BANK1: variants seen among roughly 807,000 people sequenced by gnomAD.
The protein encoded by BANK1 is B cell scaffold protein with ankyrin repeats 1, also known as B-cell scaffold protein with ankyrin repeats.
A neutral mutation model predicts 94.5 loss-of-function variants in BANK1; 95 were observed. That is an observed-to-expected ratio of 1.00 (90% CI 0.85 to 1.19). The LOEUF (loss-of-function observed/expected upper bound fraction) is 1.19, where lower values mean the gene tolerates loss of function less well. BANK1 is among the 50% of genes most tolerant of loss of function. The pLI, the probability that BANK1 is intolerant of heterozygous loss-of-function variation, is 0.00. For missense variants in BANK1, 987 were observed against 932.2 expected (o/e 1.06, Z -0.77); for synonymous variants, 334 against 308.4 (o/e 1.08, Z -0.87).
chr4:101,952,052 G>C (rs1328149906), intron 7 of BANK1, among the ~76,000 whole-genome samples: 1 of 151,888 alleles, frequency 6.6e-6, no homozygotes, highest in Non-Finnish European at 1.5e-5. Context: ...TGTACTCATG[G>C]CTTTTACCTA....
At chr4:102,065,507 T>C (rs1452081576) in intron 13 of BANK1, among the ~76,000 whole-genome samples, 4 of 152,088 alleles carry the variant, frequency 2.6e-5, no homozygotes, top group African/African-American at 9.7e-5. Flanking sequence ...ACATTATCTA[T>C]AATGTCCAGT....
intron 5 of BANK1, among the ~76,000 whole-genome samples, chr4:101,882,122 C>A (rs979399664): frequency 6.6e-6 from 1 of 151,956 alleles, no homozygotes; most frequent in Non-Finnish European, 1.5e-5. Flanking sequence ...GGGATGGATA[C>A]CCCATTTTAC....
At chr4:101,860,316 A>G (rs966673535) in intron 3 of BANK1, among the ~76,000 whole-genome samples, 1 of 152,164 alleles carries the variant, frequency 6.6e-6, no homozygotes, top group Admixed American at 6.5e-5. Flanking sequence ...GAAGCTGGCC[A>G]TGGGTACAAA....
chr4:102,005,030 G>C (rs527422472), intron 7 of BANK1, among the ~76,000 whole-genome samples: 1 of 152,016 alleles, frequency 6.6e-6, no homozygotes, highest in East Asian at 1.9e-4. Flanking sequence ...AAAAAAATTA[G>C]AAAAGTCATG....
At chr4:101,947,806 TATCA>T (rs1324779527) in intron 7 of BANK1, among the ~76,000 whole-genome samples, 1 of 152,032 alleles carries the variant, frequency 6.6e-6, no homozygotes. Flanking sequence ...CATGTTCACT[TATCA>T]TTCTCCTTCA....
intron 7 of BANK1, among the ~76,000 whole-genome samples, chr4:101,976,233 A>G (rs900613531): frequency 1.3e-5 from 2 of 152,134 alleles, no homozygotes; most frequent in Non-Finnish European, 2.9e-5. Context: ...CTGGATCTAT[A>G]CTTCAATGCC....
intron 7 of BANK1, among the ~76,000 whole-genome samples, chr4:101,998,610 C>A (rs569533426): frequency 6.6e-6 from 1 of 152,246 alleles, no homozygotes; most frequent in East Asian, 1.9e-4. Flanking sequence ...GTAGTGGGTG[C>A]ATGTATATTT....
At chr4:101,868,513 C>T (rs936808389) in intron 4 of BANK1, among the ~76,000 whole-genome samples, 3 of 151,942 alleles carry the variant, frequency 2.0e-5, no homozygotes, top group Non-Finnish European at 4.4e-5. Context: ...GACAAGTCCA[C>T]TATTGTATAA....
At chr4:101,855,284 G>T in intron 3 of BANK1, 95 bp downstream of exon 3, 10 of 1,268,282 alleles carry the variant, frequency 7.9e-6, no homozygotes, top group Non-Finnish European at 1.1e-5. Flanking sequence ...TCATTAGGTT[G>T]CCCAGGCTGG....
chr4:101,801,070 A>G (rs1725342651), intron 1 of BANK1, among the ~76,000 whole-genome samples: 1 of 152,112 alleles, frequency 6.6e-6, no homozygotes, highest in Non-Finnish European at 1.5e-5. Flanking sequence ...CATGTTTTCT[A>G]TATTCTGATG....
intron 2 of BANK1, among the ~76,000 whole-genome samples, chr4:101,852,128 C>T (rs1727496844): frequency 6.6e-6 from 1 of 151,918 alleles, no homozygotes; most frequent in South Asian, 2.1e-4. Context: ...AGAAACTCCT[C>T]AAAATTTGTT....
rs567620123 is a variant in BANK1, at chr4:101,875,490, A to G, written c.903+4846A>G. 3.2e-4 allele frequency among the ~76,000 whole-genome samples: 49 copies of G among 152,292 alleles called. No individual in the cohort carries two copies. The South Asian group carries it at 7.7e-3, about 24-fold the overall frequency. ...AGCAAGGTACATTTTACATGTTGGC[A>G]GGAGGTGGTTGGGGGGACTGCCACA... On this transcript the variant is annotated intron_variant, in intron 5 of 16. Transcript: ENST00000322953.
chr4:101,828,816 A>AT (rs1726480224), intron 1 of BANK1, among the ~76,000 whole-genome samples: 1 of 152,024 alleles, frequency 6.6e-6, no homozygotes, highest in Non-Finnish European at 1.5e-5. Flanking sequence ...ATGTGAAGAA[A>AT]TTTTATAATT....
intron 7 of BANK1, among the ~76,000 whole-genome samples, chr4:101,929,041 C>A (rs892136058): frequency 5.9e-5 from 9 of 151,808 alleles, no homozygotes; most frequent in Admixed American, 5.9e-4. Context: ...ACTTTATGGT[C>A]TCACTTCTTG....
chr4:101,822,213 A>G (rs1208015898), intron 1 of BANK1, among the ~76,000 whole-genome samples: 1 of 151,948 alleles, frequency 6.6e-6, no homozygotes, highest in African/African-American at 2.4e-5. Context: ...TACAAAAAAT[A>G]CAAAAAATTA....
chr4:102,067,436 T>C (rs1053634835), intron 13 of BANK1, among the ~76,000 whole-genome samples: 1 of 151,898 alleles, frequency 6.6e-6, no homozygotes, highest in African/African-American at 2.4e-5. Context: ...AAAACACAGA[T>C]AGATAGTTTG....
chr4:101,811,650 G>A (rs575648783), intron 1 of BANK1, among the ~76,000 whole-genome samples: 109 of 152,060 alleles, frequency 7.2e-4, no homozygotes, highest in African/African-American at 2.4e-3. Flanking sequence ...ATGCCAAACC[G>A]TGAAAAATCA....
In BANK1 at chr4:102,025,343, C is replaced by A; in HGVS notation, c.1428C>A (p.Gly476=). 1 of 1,614,060 alleles carries A rather than the reference C, an allele frequency of 6.2e-7. No individual in the cohort carries two copies. The highest frequency in any genetic ancestry group is 8.5e-7 in the Non-Finnish European group (1 of 1,179,998). ...CCAAACACAGCCCACTAGAGGTTGG[C>A]AGTGAGAGTTCTGAAGACCAGTATG... ...METKHSPLEV[G]SESSEDQYDD... is the part of the protein sequence containing the mutation. The change falls in exon 9 of 17, where the codon GGC becomes GGA. Residue 476 remains glycine (G), a synonymous_variant. Transcript: ENST00000322953.
At chr4:101,819,975 A>T (rs1046544909) in intron 1 of BANK1, among the ~76,000 whole-genome samples, 7 of 151,310 alleles carry the variant, frequency 4.6e-5, no homozygotes, top group African/African-American at 1.5e-4. Flanking sequence ...CAAGAGTGCC[A>T]CAAAGCCTAA....
Sources: gnomAD v4.1 joint callset for allele counts (sites outside exome capture counted in the v4.1 genomes callset) on GRCh38, gnomAD v4.1.1 for gene constraint, MANE v1.5 for transcripts, NCBI Gene and HGNC (gene_info 2026-07-23, HGNC 2026-07-21) for gene names.